Variants in ZNF462 observed in about 807,000 individuals in gnomAD.
ZNF462 encodes zinc finger PBX1-interacting protein.
In ZNF462, 10 loss-of-function variants were observed where a neutral mutation model predicts 201.9. That is an observed-to-expected ratio of 0.05 (90% CI 0.03 to 0.08). The LOEUF is 0.08. Among genes scored for constraint, ZNF462 ranks in the 10% least tolerant of loss-of-function variants. The probability of loss-of-function intolerance (pLI) is 1.00; values close to 1 mark genes in which losing one functional copy is unlikely to be tolerated. For missense variants in ZNF462, 2,523 were observed against 3,168.3 expected (o/e 0.80, Z 4.89); for synonymous variants, 1,227 against 1,193.3 (o/e 1.03, Z -0.58).
Position 106,886,685 on chromosome 9 carries a change from A to G in ZNF462, c.-31+23330A>G, listed in dbSNP as rs1441735687. Among the ~76,000 whole-genome samples the G allele has an allele frequency of 6.6e-6, 1 of 152,198 alleles. No individual in the cohort carries two copies. ...CTGGAAAGGCTGAAATGATGTGTCC[A>G]AAGTCCACAATGTAGGAAGTTAGTT... On this transcript the variant is annotated intron_variant, in intron 1 of 12. Transcript: ENST00000277225. The surrounding 1 kb of genome is among the most constrained non-coding windows in gnomAD (Gnocchi z 4.6).
At position 106,930,771 on chromosome 9, in the gene ZNF462, G is replaced by A; in HGVS notation, c.6012+82G>A. 6.5e-7 allele frequency: 1 copy of A among 1,528,332 alleles called. No homozygotes were observed. Among genetic ancestry groups the A allele is most frequent in the Admixed American group, 1.8e-5 (1 of 55,540 alleles). 94.7% of individuals were successfully genotyped at this position (1,528,332 alleles called of 1,614,324 possible). A position where few individuals can be genotyped will look rare whatever the true frequency, so the allele number is the denominator to read the frequency against. ...AACCCCATTGCCTAAAGCAGCTCAG[G>A]AAAGAGCATCTCAGAATGCGGGCAT... On this transcript the variant is annotated intron_variant, in intron 4 of 12. Coordinates refer to ENST00000277225, the MANE Select transcript of ZNF462 (RefSeq NM_021224.6). The surrounding 1 kb of genome is among the most constrained non-coding windows in gnomAD (Gnocchi z 5.8).
chr9:107,006,930 G>T lies in ZNF462; in HGVS notation c.7190-2615G>T, dbSNP rs1451210160. ...TAATCCATTTCTTACAAGGAAAACG[G>T]TTGTGATCGGAGAAGCATGGCTTCT... On this transcript the variant is annotated intron_variant, in intron 11 of 12. Transcript: ENST00000277225. The surrounding 1 kb of genome is among the most constrained non-coding windows in gnomAD (Gnocchi z 4.3). 6.6e-6 allele frequency among the ~76,000 whole-genome samples: 1 copy of T among 152,136 alleles called. No individual in the cohort carries two copies. The highest frequency in any genetic ancestry group is 2.1e-4 in the South Asian group (1 of 4,832).
chr9:106,998,899 G>A (rs377057523), intron 10 of ZNF462, among the ~76,000 whole-genome samples: 3 of 152,054 alleles, frequency 2.0e-5, no homozygotes, highest in African/African-American at 4.8e-5. Flanking sequence ...GTGAGTCACC[G>A]CACCCAGCCC....
chr9:106,909,412 A>T (rs1829448943), intron 1 of ZNF462, among the ~76,000 whole-genome samples: 1 of 152,176 alleles, frequency 6.6e-6, no homozygotes, highest in South Asian at 2.1e-4. Flanking sequence ...ATTATCAATT[A>T]TTCAATTTTA....
chr9:106,979,847 A>C (rs966530145), intron 9 of ZNF462, among the ~76,000 whole-genome samples: 2 of 152,204 alleles, frequency 1.3e-5, no homozygotes, highest in African/African-American at 2.4e-5. Context: ...ACATATTTAC[A>C]TTGTAATTTT....
intron 1 of ZNF462, among the ~76,000 whole-genome samples, chr9:106,882,319 G>A (rs752058099): frequency 8.5e-5 from 13 of 152,110 alleles, no homozygotes; most frequent in African/African-American, 1.9e-4. Flanking sequence ...ACCAAACCTA[G>A]CATTTTTAAA....
At chr9:106,996,977 ACTTG>A (rs1269801503) in intron 10 of ZNF462, among the ~76,000 whole-genome samples, 4 of 152,156 alleles carry the variant, frequency 2.6e-5, no homozygotes, top group Non-Finnish European at 4.4e-5. Context: ...TCAGCATGTT[ACTTG>A]CTTGATAAGA....
chr9:106,955,439 A>G (rs1057500140), intron 7 of ZNF462, among the ~76,000 whole-genome samples: 8 of 152,188 alleles, frequency 5.3e-5, no homozygotes, highest in African/African-American at 1.9e-4. Context: ...TCAGTGACTC[A>G]TAATCTCTTT....
At position 106,954,804 on chromosome 9, in the gene ZNF462, CTT is replaced by C. The variant is rs1295145815; in HGVS notation, c.6427+15698_6427+15699del. On this transcript the variant is annotated intron_variant, in intron 7 of 12. Transcript: ENST00000277225. The surrounding 1 kb of genome is among the most constrained non-coding windows in gnomAD (Gnocchi z 4.0). ...TCCCTCAATGCTGTGCCCTACCTCT[CTT>C]AAGAACATGTAGTTCAGTCTACTGA... Among the ~76,000 whole-genome samples the C allele has an allele frequency of 6.6e-6, 1 of 152,168 alleles. No homozygotes were observed. The highest frequency in any genetic ancestry group is 2.4e-5 in the African/African-American group (1 of 41,428).
In ZNF462 at chr9:106,958,037, A is replaced by T. The variant is rs78861952; in HGVS notation, c.6428-13968A>T. ...ACAGTTAGATGAACAGTTCAGATGA[A>T]CAATTCTAACCTGCTAGTAAAATCC... is the stretch of plus-strand genomic sequence containing the variant. On this transcript the variant is annotated intron_variant, in intron 7 of 12. Coordinates refer to ENST00000277225, the MANE Select transcript of ZNF462 (RefSeq NM_021224.6). Among the ~76,000 whole-genome samples the T allele has an allele frequency of 1.1e-4, 16 of 152,262 alleles. No homozygotes were observed. In the East Asian group the frequency reaches 3.1e-3, roughly 29 times the overall value.
intron 1 of ZNF462, among the ~76,000 whole-genome samples, chr9:106,881,462 A>C (rs1828093972): frequency 6.6e-6 from 1 of 152,220 alleles, no homozygotes; most frequent in African/African-American, 2.4e-5. Context: ...CTGGAAAAAA[A>C]ATCCACTTTG....
intron 10 of ZNF462, among the ~76,000 whole-genome samples, chr9:106,994,914 T>C (rs978264370): frequency 2.0e-5 from 3 of 152,214 alleles, no homozygotes; most frequent in South Asian, 2.1e-4. Flanking sequence ...CTCACCTTTC[T>C]TTCAAAATCT....
chr9:106,975,149 C>T (rs1006991410), intron 9 of ZNF462: 1 of 152,196 alleles, frequency 6.6e-6, no homozygotes, highest in Non-Finnish European at 1.5e-5. Context: ...TACTGGAGTA[C>T]TCATTGCCAG....
At chr9:106,939,177 T>A in intron 7 of ZNF462, 70 bp downstream of exon 7, 1 of 1,321,794 alleles carries the variant, frequency 7.6e-7, no homozygotes, top group Non-Finnish European at 1.0e-6. Context: ...TTGCCAATCA[T>A]TTTTTTTAGA....
chr9:106,974,464 C>T lies in ZNF462; in HGVS notation c.6832+191C>T. The T allele has an allele frequency of 1.2e-6, 1 of 808,408 alleles. No individual in the cohort carries two copies. Among genetic ancestry groups the T allele is most frequent in the Non-Finnish European group, 2.1e-6 (1 of 484,524 alleles). 50.1% of individuals were successfully genotyped at this position (808,408 alleles called of 1,614,324 possible). A position where few individuals can be genotyped will look rare whatever the true frequency, so the allele number is the denominator to read the frequency against. On this transcript the variant is annotated intron_variant, in intron 9 of 12. Transcript: ENST00000277225. The surrounding 1 kb of genome is among the most constrained non-coding windows in gnomAD (Gnocchi z 4.0). ...AAACACCTTCCTGCTGGGAGTATTT[C>T]CTCCACCTGGAGGGAGGCAAAGGTG... is the stretch of plus-strand genomic sequence containing the variant.
intron 7 of ZNF462, among the ~76,000 whole-genome samples, chr9:106,939,964 G>C (rs1043034891): frequency 6.6e-6 from 1 of 152,128 alleles, no homozygotes; most frequent in Non-Finnish European, 1.5e-5. Flanking sequence ...TCCCTTCTGC[G>C]GGAGCCAGTT....
At position 106,927,682 on chromosome 9, in the gene ZNF462, G is replaced by A. The variant is rs746539897; in HGVS notation, c.3770G>A (p.Arg1257Gln). The part of the protein sequence containing the change: ...CVLVSPSNLE[R>Q]DKTKLRALKC... Reference sequence around the variant, plus strand: ...CTTGTCTCCCCCTCTAATCTGGAGCGGGACAAAACGAAACTCCGAGCACTC... The same window carrying A: ...CTTGTCTCCCCCTCTAATCTGGAGCAGGACAAAACGAAACTCCGAGCACTC... Residue 1257 changes from arginine (R) to glutamine (Q), a missense_variant, in exon 3 of 13, where the codon CGG becomes CAG. By Grantham distance (43) the Arg-to-Gln change is conservative. Coordinates refer to ENST00000277225, the MANE Select transcript of ZNF462 (RefSeq NM_021224.6). The A allele has an allele frequency of 1.5e-5, 24 of 1,613,884 alleles. No homozygotes were observed. The highest frequency in any genetic ancestry group is 3.3e-5 in the South Asian group (3 of 91,080).
chr9:106,991,880 AC>A (rs1405381373), intron 10 of ZNF462, among the ~76,000 whole-genome samples: 10 of 149,498 alleles, frequency 6.7e-5, no homozygotes, highest in Admixed American at 4.0e-4. Context: ...ACACACACAC[AC>A]AACAATCAAA....
chr9:106,884,008 G>A (rs1564075617), intron 1 of ZNF462, among the ~76,000 whole-genome samples: 1 of 152,208 alleles, frequency 6.6e-6, no homozygotes, highest in African/African-American at 2.4e-5. Flanking sequence ...TATATATGGT[G>A]GGGGAAGGGT....
Sources: gnomAD v4.1 joint callset for allele counts (sites outside exome capture counted in the v4.1 genomes callset) on GRCh38, gnomAD v4.1.1 for gene constraint, Gnocchi (gnomAD v3.1) non-coding constraint, MANE v1.5 for transcripts, NCBI Gene and HGNC (gene_info 2026-07-23, HGNC 2026-07-21) for gene names.